BABAM2: variants seen among roughly 807,000 people sequenced by gnomAD.
BABAM2 encodes BRISC and BRCA1-A complex member 2.
A neutral mutation model predicts 54.7 loss-of-function variants in BABAM2; 31 were observed. The ratio of observed to expected loss-of-function variants is 0.57; its 90% CI spans 0.43 to 0.77. BABAM2 has a LOEUF of 0.77. Ranked by LOEUF, BABAM2 falls within the 30% of genes least tolerant of loss-of-function variation. BABAM2 has a pLI of 0.00. For synonymous variants in BABAM2, 167 were observed against 162.9 expected, an observed-to-expected ratio of 1.03 and a Z score of -0.19; for missense variants, 364 against 455.8, an observed-to-expected ratio of 0.80 and a Z score of 1.83.
chr2:28,297,072 T>C (rs1388134315), intron 10 of BABAM2, among the ~76,000 whole-genome samples: 1 of 152,318 alleles, frequency 6.6e-6, no homozygotes, highest in Admixed American at 6.5e-5. Flanking sequence ...ATGACAACTT[T>C]AGCTTCCTAA....
chr2:28,143,767 C>A (rs1201632307), intron 7 of BABAM2, among the ~76,000 whole-genome samples: 1 of 152,158 alleles, frequency 6.6e-6, no homozygotes, highest in Non-Finnish European at 1.5e-5. Flanking sequence ...GCGCTCTATA[C>A]CTGTTAGCTC....
intron 6 of BABAM2, among the ~76,000 whole-genome samples, chr2:28,073,556 TA>T (rs1002477631): frequency 1.3e-5 from 2 of 152,182 alleles, no homozygotes; most frequent in African/African-American, 4.8e-5. Context: ...GTGTTCATTG[TA>T]AAAAATGTAT....
At chr2:28,242,108 A>G (rs1682497031) in intron 9 of BABAM2, among the ~76,000 whole-genome samples, 1 of 152,170 alleles carries the variant, frequency 6.6e-6, no homozygotes, top group African/African-American at 2.4e-5. Context: ...CGGTAAGTTC[A>G]GTAACCCAAT....
At chr2:27,928,533 C>A (rs1462993936) in intron 2 of BABAM2, among the ~76,000 whole-genome samples, 1 of 152,088 alleles carries the variant, frequency 6.6e-6, no homozygotes, top group Admixed American at 6.5e-5. Flanking sequence ...TTACTTAAAG[C>A]CAAAATTTTT....
chr2:28,338,577 G>A lies in BABAM2; in HGVS notation c.*64G>A. The A allele has an allele frequency of 6.3e-7, 1 of 1,578,680 alleles. No individual in the cohort carries two copies. Among genetic ancestry groups the A allele is most frequent in the Non-Finnish European group, 8.7e-7 (1 of 1,148,924 alleles). On this transcript the variant is annotated 3_prime_UTR_variant, in exon 12 of 12. Transcript: ENST00000379624. ...GTCCACATGCGTGTCAGCACATACAGCCGCTTCCTGGAAGCCGCCTGGAAT... is the reference window on the plus strand; with the variant it reads ...GTCCACATGCGTGTCAGCACATACAACCGCTTCCTGGAAGCCGCCTGGAAT...
chr2:28,147,665 G>C (rs1019491761), intron 7 of BABAM2, among the ~76,000 whole-genome samples: 4 of 152,040 alleles, frequency 2.6e-5, no homozygotes, highest in Non-Finnish European at 5.9e-5. Context: ...AATAGAGACG[G>C]GGTTTCACTG....
At chr2:28,229,716 C>T (rs749856980) in intron 7 of BABAM2, among the ~76,000 whole-genome samples, 2 of 151,902 alleles carry the variant, frequency 1.3e-5, no homozygotes, top group African/African-American at 2.4e-5. Context: ...TCCCAAGTAG[C>T]TGGAACTACA....
At chr2:28,122,853 A>G (rs750193552) in intron 6 of BABAM2, among the ~76,000 whole-genome samples, 5 of 151,906 alleles carry the variant, frequency 3.3e-5, no homozygotes, top group Non-Finnish European at 5.9e-5. Context: ...ATGAACCATT[A>G]TGATCTAACC....
At chr2:28,171,114 T>TAC (rs763833594) in intron 7 of BABAM2, among the ~76,000 whole-genome samples, 2 of 150,292 alleles carry the variant, frequency 1.3e-5, no homozygotes, top group Admixed American at 6.6e-5. Flanking sequence ...CTTTTTAAAA[T>TAC]ATATATATAT....
At chr2:27,967,622 C>G (rs1373718460) in intron 3 of BABAM2, among the ~76,000 whole-genome samples, 2 of 152,084 alleles carry the variant, frequency 1.3e-5, no homozygotes, top group African/African-American at 2.4e-5. Context: ...GAGATTGGAA[C>G]AGTTTGGAGT....
intron 4 of BABAM2, among the ~76,000 whole-genome samples, chr2:28,003,164 A>G (rs549462887): frequency 1.2e-3 from 190 of 152,294 alleles, no homozygotes; most frequent in Non-Finnish European, 2.3e-3. Flanking sequence ...CTGTAGGGTG[A>G]AAAAAGAAAA....
chr2:28,053,622 C>G (rs1396482011), intron 6 of BABAM2, among the ~76,000 whole-genome samples: 1 of 152,172 alleles, frequency 6.6e-6, no homozygotes, highest in East Asian at 1.9e-4. Context: ...GAATCTGTCT[C>G]TTTCTTTATT....
chr2:28,194,569 C>T (rs539091593), intron 7 of BABAM2, among the ~76,000 whole-genome samples: 24 of 132,350 alleles, frequency 1.8e-4, no homozygotes, highest in Middle Eastern at 4.1e-3. Flanking sequence ...ATGATTACAA[C>T]GTAGACTTTT....
chr2:28,145,440 G>A (rs1671412379), intron 7 of BABAM2, among the ~76,000 whole-genome samples: 2 of 152,148 alleles, frequency 1.3e-5, no homozygotes, highest in Non-Finnish European at 2.9e-5. Context: ...TACCTACTAA[G>A]GGCCAAAGGA....
At chr2:28,143,569 T>C (rs1671244950) in intron 7 of BABAM2, among the ~76,000 whole-genome samples, 1 of 152,194 alleles carries the variant, frequency 6.6e-6, no homozygotes, top group South Asian at 2.1e-4. Flanking sequence ...ATAGTAATCA[T>C]TTTACTATGT....
At chr2:28,124,980 C>T (rs1669380417) in intron 6 of BABAM2, among the ~76,000 whole-genome samples, 2 of 152,126 alleles carry the variant, frequency 1.3e-5, no homozygotes, top group African/African-American at 2.4e-5. Context: ...ATAACTTTAG[C>T]ACATGTGACA....
At chr2:28,180,746 G>A (rs13399667) in intron 7 of BABAM2, among the ~76,000 whole-genome samples, 73,573 of 151,850 alleles carry the variant, frequency 0.48, 18,486 homozygotes, top group Middle Eastern at 0.62. Context: ...CAAAATATGC[G>A]AGGAACTCAA....
At chr2:28,183,489 T>A (rs1485105581) in intron 7 of BABAM2, among the ~76,000 whole-genome samples, 7 of 151,980 alleles carry the variant, frequency 4.6e-5, no homozygotes, top group African/African-American at 1.7e-4. Context: ...TAAATGAAGG[T>A]CATATAATAG....
intron 2 of BABAM2, among the ~76,000 whole-genome samples, chr2:27,911,514 A>G (rs555374209): frequency 1.3e-5 from 2 of 152,276 alleles, no homozygotes; most frequent in Admixed American, 6.5e-5. Context: ...AGAAAAGATT[A>G]TAGAAAAGGA....
Sources: gnomAD v4.1 joint callset for allele counts (sites outside exome capture counted in the v4.1 genomes callset) on GRCh38, gnomAD v4.1.1 for gene constraint, MANE v1.5 for transcripts, NCBI Gene and HGNC (gene_info 2026-07-23, HGNC 2026-07-21) for gene names.